The following LHFPL3 variants were observed in gnomAD, a reference collection of about 807,000 sequenced individuals.
LHFPL3 encodes the protein LHFPL tetraspan subfamily member 3, also known as LHFPL tetraspan subfamily member 3 protein.
A neutral mutation model predicts 19.3 loss-of-function variants in LHFPL3; 5 were observed. That is an observed-to-expected ratio of 0.26 (90% CI 0.14 to 0.54). The LOEUF (loss-of-function observed/expected upper bound fraction) is 0.54, where lower values mean the gene tolerates loss of function less well. LHFPL3 is among the 20% of genes least tolerant of loss of function. The probability of loss-of-function intolerance (pLI) is 0.94; values close to 1 mark genes in which losing one functional copy is unlikely to be tolerated. For missense variants in LHFPL3, 249 were observed against 307.4 expected (o/e 0.81, Z 1.42); for synonymous variants, 133 against 126.2 (o/e 1.05, Z -0.36).
chr7:104,790,178 C>T lies in LHFPL3; in HGVS notation c.682+53267C>T, dbSNP rs192632839. Among the ~76,000 whole-genome samples the T allele has an allele frequency of 6.6e-5, 10 of 152,254 alleles. No individual in the cohort carries two copies. The East Asian group carries it at 1.9e-3, about 29-fold the overall frequency. ...GGTTGCTTCCAAATGCAATTCCAAGCGTTGAAATTGATATTAAAGCTTTAA... is the reference window on the plus strand; with the variant it reads ...GGTTGCTTCCAAATGCAATTCCAAGTGTTGAAATTGATATTAAAGCTTTAA... On this transcript the variant is annotated intron_variant, in intron 2 of 2. Transcript: ENST00000424859.
At chr7:104,720,724 G>A (rs75760973) in intron 1 of LHFPL3, among the ~76,000 whole-genome samples, 62,167 of 151,984 alleles carry the variant, frequency 0.41, 13,366 homozygotes, top group East Asian at 0.7. Context: ...AAAAGTGGGC[G>A]AAGGATATGA....
At chr7:104,901,811 C>A (rs1294134497) in intron 2 of LHFPL3, among the ~76,000 whole-genome samples, 1 of 152,096 alleles carries the variant, frequency 6.6e-6, no homozygotes, top group Non-Finnish European at 1.5e-5. Flanking sequence ...TCAAGCAATC[C>A]TGCCACCTTA....
At chr7:104,736,477 A>G (rs1308863666) in intron 1 of LHFPL3, among the ~76,000 whole-genome samples, 198 bp from the exon 2 acceptor site, 2 of 151,224 alleles carry the variant, frequency 1.3e-5, no homozygotes, top group African/African-American at 4.9e-5. Flanking sequence ...TACCTTAACC[A>G]GCAACACACA....
chr7:104,890,085 G>C (rs2116703736), intron 2 of LHFPL3, among the ~76,000 whole-genome samples: 1 of 152,242 alleles, frequency 6.6e-6, no homozygotes, highest in African/African-American at 2.4e-5. Flanking sequence ...GATTACTTGA[G>C]GCCAGGAGTT....
intron 2 of LHFPL3, among the ~76,000 whole-genome samples, chr7:104,741,159 C>G (rs531747735): frequency 6.6e-6 from 1 of 152,320 alleles, no homozygotes; most frequent in East Asian, 1.9e-4. Context: ...TGACACACTT[C>G]AGTCAACTAG....
chr7:104,632,174 T>A (rs1791656092), intron 1 of LHFPL3, among the ~76,000 whole-genome samples: 1 of 152,176 alleles, frequency 6.6e-6, no homozygotes, highest in South Asian at 2.1e-4. Context: ...AAATCATTTG[T>A]GTTGGGTGAG....
chr7:104,792,542 G>C (rs1292189172), intron 2 of LHFPL3, among the ~76,000 whole-genome samples: 1 of 152,162 alleles, frequency 6.6e-6, no homozygotes, highest in Non-Finnish European at 1.5e-5. Context: ...CTGGGTAAGA[G>C]AGTACGAGGC....
rs148434746 is a variant in LHFPL3, at chr7:104,545,586, G to T, written c.446-191089G>T. On this transcript the variant is annotated intron_variant, in intron 1 of 2. Transcript: ENST00000424859. ...TTGATCCCTATGGGCTTTCCTCCAG[G>T]TGAGTTTGTTCTGATTGGCTCCAGT... Among the ~76,000 whole-genome samples, 859 of 152,298 alleles carry T rather than the reference G, an allele frequency of 5.6e-3. 4 individuals are homozygous for T. Among genetic ancestry groups the T allele is most frequent in the African/African-American group, 0.019 (801 of 41,572 alleles).
intron 1 of LHFPL3, among the ~76,000 whole-genome samples, chr7:104,639,785 G>C (rs1314486883): frequency 1.3e-5 from 2 of 152,012 alleles, no homozygotes; most frequent in African/African-American, 2.4e-5. Context: ...AGATTCATGT[G>C]GGTTGATAAT....
At chr7:104,493,266 ACTT>A (rs1354758981) in intron 1 of LHFPL3, among the ~76,000 whole-genome samples, 1 of 151,850 alleles carries the variant, frequency 6.6e-6, no homozygotes, top group Non-Finnish European at 1.5e-5. Flanking sequence ...TAGTTCTTCT[ACTT>A]CTTTGATTGT....
Position 104,479,041 on chromosome 7 carries a change from T to C in LHFPL3, c.445+149817T>C, listed in dbSNP as rs533271413. ...CACTCCTAAGAATACCCAACTTGAC[T>C]GGAGTCTGTGGTTTGCTGGGGTTGA... On this transcript the variant is annotated intron_variant, in intron 1 of 2. Coordinates refer to ENST00000424859, the MANE Select transcript of LHFPL3 (RefSeq NM_199000.3). 9.8e-5 allele frequency among the ~76,000 whole-genome samples: 15 copies of C among 152,302 alleles called. No individual in the cohort carries two copies. In the South Asian group the frequency reaches 3.1e-3, roughly 32 times the overall value.
At chr7:104,635,611 C>T (rs1791716099) in intron 1 of LHFPL3, among the ~76,000 whole-genome samples, 1 of 152,040 alleles carries the variant, frequency 6.6e-6, no homozygotes, top group Non-Finnish European at 1.5e-5. Context: ...TAGAAAAAAA[C>T]ATTTTCAGAC....
At chr7:104,572,294 C>A (rs1790245007) in intron 1 of LHFPL3, among the ~76,000 whole-genome samples, 1 of 152,136 alleles carries the variant, frequency 6.6e-6, no homozygotes, top group Non-Finnish European at 1.5e-5. Context: ...AAAGAACATA[C>A]AACTATAATT....
chr7:104,342,167 T>C (rs1789970603), intron 1 of LHFPL3, among the ~76,000 whole-genome samples: 3 of 152,088 alleles, frequency 2.0e-5, no homozygotes, highest in Non-Finnish European at 2.9e-5. Flanking sequence ...TGGGGATGAC[T>C]TGAGCAGTTC....
chr7:104,636,466 A>G (rs1791730514), intron 1 of LHFPL3, among the ~76,000 whole-genome samples: 1 of 152,134 alleles, frequency 6.6e-6, no homozygotes, highest in East Asian at 1.9e-4. Context: ...TGTACAGACC[A>G]TTTCATCATC....
At chr7:104,498,572 G>A (rs1793536088) in intron 1 of LHFPL3, among the ~76,000 whole-genome samples, 2 of 149,990 alleles carry the variant, frequency 1.3e-5, no homozygotes, top group African/African-American at 4.9e-5. Context: ...TCTGCCTCCA[G>A]GTTCAAGAGA....
chr7:104,809,904 CAT>C (rs558479611), intron 2 of LHFPL3, among the ~76,000 whole-genome samples: 19 of 152,262 alleles, frequency 1.2e-4, no homozygotes, highest in African/African-American at 4.6e-4. Context: ...CCATTCAGAG[CAT>C]ATAGTCTATA....
At chr7:104,756,714 G>T (rs1223084573) in intron 2 of LHFPL3, among the ~76,000 whole-genome samples, 1 of 152,010 alleles carries the variant, frequency 6.6e-6, no homozygotes, top group African/African-American at 2.4e-5. Context: ...TGACTAGGCT[G>T]GTCTCAAACT....
chr7:104,539,291 C>CACTAAAT (rs1466964886), intron 1 of LHFPL3, among the ~76,000 whole-genome samples: 1 of 152,158 alleles, frequency 6.6e-6, no homozygotes, highest in Non-Finnish European at 1.5e-5. Context: ...ACAATCCAAA[C>CACTAAAT]ACTAAATTCA....
Sources: allele counts gnomAD v4.1 joint callset (sites outside exome capture counted in the v4.1 genomes callset), GRCh38; gene constraint gnomAD v4.1.1; transcripts MANE v1.5; gene names NCBI Gene and HGNC (gene_info 2026-07-23, HGNC 2026-07-21).